GRK3: variants seen among roughly 807,000 people sequenced by gnomAD.
The protein encoded by GRK3 is G protein-coupled receptor kinase 3, also known as adrenergic, beta, receptor kinase 2.
In GRK3, 54 loss-of-function variants were observed where a neutral mutation model predicts 95.7. The ratio of observed to expected loss-of-function variants is 0.56; its 90% CI spans 0.45 to 0.71. The LOEUF (loss-of-function observed/expected upper bound fraction) is 0.71. GRK3 is among the 30% of genes least tolerant of loss of function. The pLI is 0.00. For missense variants in GRK3, 649 were observed against 851.2 expected (o/e 0.76, Z 2.96); for synonymous variants, 281 against 290.8 (o/e 0.97, Z 0.34).
At chr22:25,655,606 C>T (rs1366037680) in intron 3 of GRK3, among the ~76,000 whole-genome samples, 1 of 152,108 alleles carries the variant, frequency 6.6e-6, no homozygotes, top group African/African-American at 2.4e-5. Flanking sequence ...GCATTTTCAT[C>T]TGGACCATTA....
intron 3 of GRK3, chr22:25,647,378 A>G (rs1034203705): frequency 7.7e-7 from 1 of 1,301,470 alleles, no homozygotes; most frequent in Admixed American, 1.7e-5. Context: ...CAGTGTCACC[A>G]TGTCCATCAT....
At chr22:25,586,594 G>C (rs1434589134) in intron 1 of GRK3, among the ~76,000 whole-genome samples, 1 of 152,300 alleles carries the variant, frequency 6.6e-6, no homozygotes, top group Non-Finnish European at 1.5e-5. Flanking sequence ...TAGGAACAGA[G>C]GTGGGAGGGC....
chr22:25,695,131 C>G lies in GRK3; in HGVS notation c.1077C>G (p.Pro359=). The change falls in exon 13 of 21, where the codon CCC becomes CCG. Residue 359 remains proline (P), a synonymous_variant. Transcript: ENST00000324198. Reference sequence around the variant, plus strand: ...GTGGCACCCATGGGTACATGGCTCCCGAGGTGCTGCAGAAGGGGACGGCCT... The same window carrying G: ...GTGGCACCCATGGGTACATGGCTCCGGAGGTGCTGCAGAAGGGGACGGCCT... The part of the protein sequence containing the change: ...ASVGTHGYMA[P]EVLQKGTAYD... The G allele has an allele frequency of 6.2e-7, 1 of 1,613,892 alleles. No homozygotes were observed. Among genetic ancestry groups the G allele is most frequent in the Non-Finnish European group, 8.5e-7 (1 of 1,179,880 alleles).
At chr22:25,694,826 C>T (rs567765159) in intron 12 of GRK3, among the ~76,000 whole-genome samples, 2 of 152,342 alleles carry the variant, frequency 1.3e-5, no homozygotes, top group African/African-American at 2.4e-5. Context: ...AACCTTTGCT[C>T]TTCATAGCTG....
chr22:25,676,410 G>C (rs939806519), intron 8 of GRK3, among the ~76,000 whole-genome samples: 4 of 151,980 alleles, frequency 2.6e-5, no homozygotes, highest in Admixed American at 2.6e-4. Flanking sequence ...AAATAATATC[G>C]GCCGGGCGCG....
At chr22:25,603,651 T>C (rs2084424428) in intron 1 of GRK3, among the ~76,000 whole-genome samples, 1 of 152,214 alleles carries the variant, frequency 6.6e-6, no homozygotes, top group Non-Finnish European at 1.5e-5. Flanking sequence ...AAAAACCCTA[T>C]TGGAATGTTA....
At chr22:25,651,167 C>T (rs2034765142) in intron 3 of GRK3, among the ~76,000 whole-genome samples, 1 of 152,018 alleles carries the variant, frequency 6.6e-6, no homozygotes, top group Non-Finnish European at 1.5e-5. Context: ...TTTCAAAATA[C>T]AAATTTGAAT....
intron 1 of GRK3, among the ~76,000 whole-genome samples, chr22:25,589,203 A>G (rs1323555367): frequency 1.3e-5 from 2 of 152,214 alleles, no homozygotes; most frequent in East Asian, 3.8e-4. Flanking sequence ...TATTTTGGAC[A>G]TTAGAATAAA....
chr22:25,725,874 G>A lies in GRK3; in HGVS notation c.*3424G>A, dbSNP rs1018420312. 1.8e-4 allele frequency: 53 copies of A among 295,398 alleles called. No homozygotes were observed. Among genetic ancestry groups the A allele is most frequent in the Admixed American group, 2.6e-4 (5 of 19,446 alleles). 18.3% of individuals were successfully genotyped at this position (295,398 alleles called of 1,614,324 possible). A position where few individuals can be genotyped will look rare whatever the true frequency, so the allele number is the denominator to read the frequency against. On this transcript the variant is annotated 3_prime_UTR_variant, in exon 21 of 21. Transcript: ENST00000324198. ...TGAGGCAGGAGAATGGCATGAACCC[G>A]GGAGGCAGAGCTTGCAGTGAGCCGA...
chr22:25,595,378 C>T (rs1320322707), intron 1 of GRK3, among the ~76,000 whole-genome samples: 1 of 152,066 alleles, frequency 6.6e-6, no homozygotes, highest in Non-Finnish European at 1.5e-5. Context: ...AGCTGAGAGC[C>T]AAATTAAAAT....
chr22:25,699,267 G>A (rs1227276200), intron 13 of GRK3, among the ~76,000 whole-genome samples: 1 of 152,146 alleles, frequency 6.6e-6, no homozygotes, highest in Non-Finnish European at 1.5e-5. Flanking sequence ...CCTGGCAGCT[G>A]TCTTTTCTCA....
intron 1 of GRK3, among the ~76,000 whole-genome samples, chr22:25,585,173 G>C (rs1431509454): frequency 2.0e-5 from 3 of 152,294 alleles, no homozygotes; most frequent in Non-Finnish European, 4.4e-5. Flanking sequence ...CAAGCCTCGT[G>C]TTATGGGTGT....
chr22:25,608,012 C>T (rs185194963), intron 2 of GRK3, among the ~76,000 whole-genome samples: 9 of 152,256 alleles, frequency 5.9e-5, no homozygotes, highest in East Asian at 5.8e-4. Context: ...GTGCTGTGTA[C>T]GTCGTAGCAG....
intron 9 of GRK3, among the ~76,000 whole-genome samples, chr22:25,683,434 C>T (rs1711588292): frequency 6.6e-6 from 1 of 152,218 alleles, no homozygotes; most frequent in Non-Finnish European, 1.5e-5. Context: ...GACACTCAGC[C>T]TTGGTAGATA....
Position 25,667,727 on chromosome 22 carries a change from C to T in GRK3, c.442-12C>T. ...TTCATTCACCGTGGAATTTCTTTTC[C>T]ATCTCTTCCAGCCATACATAGAAGA... On this transcript the variant is annotated splice_polypyrimidine_tract_variant and intron_variant, in intron 5 of 20. Transcript: ENST00000324198. 1.3e-6 allele frequency: 2 copies of T among 1,594,874 alleles called. No individual in the cohort carries two copies. The highest frequency in any genetic ancestry group is 1.7e-6 in the Non-Finnish European group (2 of 1,166,900).
At chr22:25,658,462 G>A (rs1253321828) in intron 3 of GRK3, among the ~76,000 whole-genome samples, 2 of 152,186 alleles carry the variant, frequency 1.3e-5, no homozygotes, top group African/African-American at 4.8e-5. Flanking sequence ...TCATGCTCAT[G>A]TGTCATTATG....
At chr22:25,608,184 T>C (rs2084467161) in intron 2 of GRK3, among the ~76,000 whole-genome samples, 1 of 152,194 alleles carries the variant, frequency 6.6e-6, no homozygotes, top group African/African-American at 2.4e-5. Context: ...AGGATGAGGA[T>C]AAAAGTAGCT....
Position 25,693,825 on chromosome 22 carries a change from G to T in GRK3, c.1053-1282G>T, listed in dbSNP as rs940079422. ...ATGGAGTTTCACTCTTGTCGCCCAG[G>T]CTGGAGTGCAATGGCACCATCTCAG... On this transcript the variant is annotated intron_variant, in intron 12 of 20. Transcript: ENST00000324198. 2.7e-5 allele frequency among the ~76,000 whole-genome samples: 4 copies of T among 147,100 alleles called. No homozygotes were observed. The South Asian group carries it at 8.8e-4, about 32-fold the overall frequency.
chr22:25,717,187 C>T (rs753240012), intron 18 of GRK3, among the ~76,000 whole-genome samples: 6 of 152,154 alleles, frequency 3.9e-5, no homozygotes, highest in Non-Finnish European at 8.8e-5. Flanking sequence ...AGGTTCTATG[C>T]AAACACCATG....
Sources: allele counts gnomAD v4.1 joint callset (sites outside exome capture counted in the v4.1 genomes callset), GRCh38; gene constraint gnomAD v4.1.1; transcripts MANE v1.5; gene names NCBI Gene and HGNC (gene_info 2026-07-23, HGNC 2026-07-21).